SAFB: variants seen among roughly 807,000 people sequenced by gnomAD.
SAFB encodes scaffold attachment factor B1.
SAFB carries 15 observed loss-of-function variants against 101.6 expected under a neutral mutation model. That is an observed-to-expected ratio of 0.15 (90% CI 0.10 to 0.23). The LOEUF (loss-of-function observed/expected upper bound fraction) is 0.23, where lower values mean the gene tolerates loss of function less well. Ranked by LOEUF, SAFB falls within the 10% of genes least tolerant of loss-of-function variation. The pLI, the probability that SAFB is intolerant of heterozygous loss-of-function variation, is 1.00. For missense variants in SAFB, 930 were observed against 1,104.1 expected (o/e 0.84, Z 2.23); for synonymous variants, 449 against 407.5 (o/e 1.10, Z -1.23).
chr19:5,631,655 C>T lies in SAFB; in HGVS notation c.274+5166C>T, dbSNP rs533467980. Among the ~76,000 whole-genome samples the T allele has an allele frequency of 3.9e-5, 6 of 152,278 alleles. No individual in the cohort carries two copies. In the South Asian group the frequency reaches 8.3e-4, roughly 21 times the overall value. On this transcript the variant is annotated intron_variant, in intron 2 of 20. Coordinates refer to ENST00000588852, the MANE Select transcript of SAFB (RefSeq NM_001201338.2). ...CCTTTTAAACAGCACTTGGCCAAAA[C>T]AGAATTGTCACTTTAACATTTTTTT...
At chr19:5,666,241 A>T (rs1255433323) in intron 17 of SAFB, 3 of 152,254 alleles carry the variant, frequency 2.0e-5, no homozygotes, top group African/African-American at 7.2e-5. Context: ...GCTTCCAGCC[A>T]CAGAAATAGG....
chr19:5,656,155 T>A (rs2054054066), intron 13 of SAFB, among the ~76,000 whole-genome samples: 1 of 152,232 alleles, frequency 6.6e-6, no homozygotes, highest in Admixed American at 6.5e-5. Context: ...AAGTTATTCA[T>A]CACATAGGAC....
intron 4 of SAFB, 138 bp from the exon 5 acceptor site, chr19:5,645,199 G>C (rs1051996760): frequency 3.9e-5 from 21 of 543,274 alleles, no homozygotes; most frequent in Non-Finnish European, 6.9e-5. Context: ...TACTATAATA[G>C]TGTTTTGATT....
At chr19:5,626,131 G>A (rs1247101887) in intron 1 of SAFB, among the ~76,000 whole-genome samples, 2 of 152,086 alleles carry the variant, frequency 1.3e-5, no homozygotes, top group Non-Finnish European at 2.9e-5. Context: ...GGTAAGTACT[G>A]TATTATTATT....
At position 5,664,605 on chromosome 19, in the gene SAFB, A is replaced by G; in HGVS notation, c.2334+166A>G. ...GTTTGTGGAATGGAAATTTGGGATT[A>G]TTTGGGGTTAGTCTTGGCTGTCAGT... On this transcript the variant is annotated intron_variant, in intron 17 of 20. Coordinates refer to ENST00000588852, the MANE Select transcript of SAFB (RefSeq NM_001201338.2). The G allele has an allele frequency of 4.9e-6, 3 of 612,704 alleles. No homozygotes were observed. The South Asian group carries it at 5.6e-5, about 11-fold the overall frequency. The allele number at this position is 612,704 out of a possible 1,614,324, so 38.0% of individuals were successfully genotyped here.
chr19:5,641,618 T>C lies in SAFB; in HGVS notation c.299T>C (p.Val100Ala). 6.2e-7 allele frequency: 1 copy of C among 1,613,980 alleles called. No individual in the cohort carries two copies. Among genetic ancestry groups the C allele is most frequent in the South Asian group, 1.1e-5 (1 of 91,070 alleles). Reference protein sequence around the residue: ...SKGRKPEEEGVEDNGLEENSG... With the variant: ...SKGRKPEEEGAEDNGLEENSG... ...GGGCGCAAACCAGAAGAAGAGGGTG[T>C]GGAAGATAACGGGCTGGAGGAAAAC... Residue 100 changes from valine (V) to alanine (A), a missense_variant, in exon 3 of 21, where the codon GTG becomes GCG. Physicochemically the swap from Val to Ala is moderately conservative, Grantham distance 64. Around this residue, in one of 7 missense-constraint regions of SAFB, gnomAD observed 119 missense variants for 171.4 expected, o/e 0.69. Coordinates refer to ENST00000588852, the MANE Select transcript of SAFB (RefSeq NM_001201338.2).
chr19:5,667,746 G>A lies in SAFB; in HGVS notation c.2558-74G>A, dbSNP rs1004152461. On this transcript the variant is annotated intron_variant, in intron 19 of 20. Transcript: ENST00000588852. This position sits in a 1 kb window ranked among gnomAD's most constrained non-coding sequence, Gnocchi z 4.0. ...CCTGGGGGCCTCACCAAAGGGAGTGGAGTGGGCTAAATGTGCCGTGGGTTC... is the reference window on the plus strand; with the variant it reads ...CCTGGGGGCCTCACCAAAGGGAGTGAAGTGGGCTAAATGTGCCGTGGGTTC... The A allele has an allele frequency of 3.4e-6, 5 of 1,471,572 alleles. No homozygotes were observed. The highest frequency in any genetic ancestry group is 4.7e-6 in the Non-Finnish European group (5 of 1,055,546). The allele number at this position is 1,471,572 out of a possible 1,614,324, so 91.2% of individuals were successfully genotyped here.
chr19:5,632,898 C>T (rs1371943354), intron 2 of SAFB, among the ~76,000 whole-genome samples: 2 of 152,164 alleles, frequency 1.3e-5, no homozygotes, highest in Non-Finnish European at 2.9e-5. Flanking sequence ...CCACCACGCC[C>T]AGCCTATATT....
chr19:5,624,236 T>C (rs1010977208), intron 1 of SAFB, among the ~76,000 whole-genome samples: 6 of 151,344 alleles, frequency 4.0e-5, no homozygotes, highest in Admixed American at 1.3e-4. Flanking sequence ...TTTTTTTTTT[T>C]TTCTCCTGTA....
At chr19:5,650,848 C>T (rs1387313157) in intron 8 of SAFB, 130 bp from the exon 9 acceptor site, 2 of 621,106 alleles carry the variant, frequency 3.2e-6, no homozygotes, top group South Asian at 4.2e-5. Flanking sequence ...AGGCCCACAG[C>T]CCCATTTGGC....
At chr19:5,666,979 G>A in intron 17 of SAFB, 67 bp from the exon 18 acceptor site, 1 of 979,392 alleles carries the variant, frequency 1.0e-6, no homozygotes, top group East Asian at 2.4e-5. Flanking sequence ...CATGTTGCCT[G>A]AAAAGCCTTG....
At chr19:5,629,676 C>CT (rs2145400318) in intron 2 of SAFB, among the ~76,000 whole-genome samples, 1 of 152,204 alleles carries the variant, frequency 6.6e-6, no homozygotes, top group Admixed American at 6.5e-5. Flanking sequence ...TTTGTGTGGT[C>CT]AAAGTAATAT....
At position 5,623,260 on chromosome 19, in the gene SAFB, C is replaced by G. The variant is rs2053229807; in HGVS notation, c.55C>G (p.Leu19Val). Residue 19 changes from leucine (L) to valine (V), a missense_variant, in exon 1 of 21, where the codon CTG (leucine) becomes GTG (valine). Leu to Val is a conservative substitution (Grantham distance 32, BLOSUM62 1). Transcript: ENST00000588852. ...TTCTGGAGCGGCGGGCGCGGCGGCT[C>G]TGAGCTCCGCCTCGTCAGAGACCGG... is the stretch of plus-strand genomic sequence containing the variant. ...GDSGAAGAAA[L>V]SSASSETGTR... 1 of 1,588,620 alleles carries G rather than the reference C, an allele frequency of 6.3e-7. No individual in the cohort carries two copies. The highest frequency in any genetic ancestry group is 8.6e-7 in the Non-Finnish European group (1 of 1,168,286).
chr19:5,637,606 G>C (rs1247119026), intron 2 of SAFB, among the ~76,000 whole-genome samples: 1 of 152,138 alleles, frequency 6.6e-6, no homozygotes, highest in African/African-American at 2.4e-5. Context: ...GGCAGAGGCT[G>C]CAGTGAGCCA....
intron 17 of SAFB, 157 bp from the exon 18 acceptor site, chr19:5,666,889 T>A: frequency 1.4e-6 from 1 of 727,370 alleles, no homozygotes; most frequent in Non-Finnish European, 2.5e-6. Flanking sequence ...CCTGCAGATT[T>A]CAGGAAGGCA....
Position 5,623,098 on chromosome 19 carries a change from TG to T in SAFB, c.-104del. On this transcript the variant is annotated 5_prime_UTR_variant, in exon 1 of 21. Transcript: ENST00000588852. ...GCGCCTGCGCAGAAGCGAGGCGCGC[TG>T]GGGCGACTGGAGCGGTTCCCTCGCA... 1 of 1,169,686 alleles carries T rather than the reference TG, an allele frequency of 8.5e-7. No individual in the cohort carries two copies. Among genetic ancestry groups the T allele is most frequent in the Non-Finnish European group, 1.2e-6 (1 of 821,346 alleles). The allele number at this position is 1,169,686 out of a possible 1,614,324, so 72.5% of individuals were successfully genotyped here.
At chr19:5,632,500 C>T (rs758335836) in intron 2 of SAFB, among the ~76,000 whole-genome samples, 4 of 152,282 alleles carry the variant, frequency 2.6e-5, no homozygotes, top group East Asian at 1.9e-4. Flanking sequence ...TCGTCTTAGT[C>T]CTCATTTAGA....
chr19:5,646,880 G>A (rs563983842), intron 5 of SAFB, among the ~76,000 whole-genome samples: 20 of 152,242 alleles, frequency 1.3e-4, no homozygotes, highest in East Asian at 7.7e-4. Flanking sequence ...ACTCATACAC[G>A]GCCTTTGCTC....
At chr19:5,654,773 G>T (rs573739390) in intron 13 of SAFB, among the ~76,000 whole-genome samples, 35 of 152,216 alleles carry the variant, frequency 2.3e-4, no homozygotes, top group Admixed American at 8.5e-4. Flanking sequence ...CACCATGTTG[G>T]CCAGGCTGGC....
Sources: allele counts gnomAD v4.1 joint callset (sites outside exome capture counted in the v4.1 genomes callset), GRCh38; gene constraint gnomAD v4.1.1; regional missense constraint gnomAD v4.1.1; non-coding constraint Gnocchi (gnomAD v3.1); transcripts MANE v1.5; gene names NCBI Gene and HGNC (gene_info 2026-07-23, HGNC 2026-07-21).